NCKAP5: variants seen among roughly 807,000 people sequenced by gnomAD.
The protein encoded by NCKAP5 is NCK associated protein 5, also known as nck-associated protein 5.
A neutral mutation model predicts 167.0 loss-of-function variants in NCKAP5; 92 were observed. The ratio of observed to expected loss-of-function variants is 0.55; its 90% CI spans 0.47 to 0.66. The LOEUF (loss-of-function observed/expected upper bound fraction) is 0.66, where lower values mean the gene tolerates loss of function less well. Ranked by LOEUF, NCKAP5 falls within the 30% of genes least tolerant of loss-of-function variation. The pLI is 0.00. For missense variants in NCKAP5, 2,378 were observed against 2,315.0 expected (o/e 1.03, Z -0.56); for synonymous variants, 891 against 877.4 (o/e 1.02, Z -0.27).
intron 4 of NCKAP5, among the ~76,000 whole-genome samples, chr2:133,217,842 C>A (rs2086497765): frequency 6.6e-6 from 1 of 152,076 alleles, no homozygotes; most frequent in Admixed American, 6.5e-5. Flanking sequence ...CACACATATA[C>A]CCTGATTCCC....
rs535510918 is a variant in NCKAP5 at position 133,132,193 on chromosome 2, C to T, written c.208-2082G>A. ...ATGCCAGCTACTCGGGAGGCTGAGG[C>T]AGTGAATTGCTTGAACCCAGGAGGC... On this transcript the variant is annotated intron_variant, in intron 5 of 19. Coordinates refer to ENST00000409261, the MANE Select transcript of NCKAP5 (RefSeq NM_207363.3). Among the ~76,000 whole-genome samples the T allele has an allele frequency of 4.0e-5, 6 of 150,874 alleles. No homozygotes were observed. In the South Asian group the frequency reaches 1.3e-3, roughly 32 times the overall value.
rs1266351198 is a variant in NCKAP5, at chr2:132,784,514, T to G, written c.2297A>C (p.Gln766Pro). The G allele has an allele frequency of 1.3e-6, 2 of 1,568,948 alleles. No individual in the cohort carries two copies. The highest frequency in any genetic ancestry group is 4.5e-5 in the East Asian group (2 of 44,578). ...GACCAGCTTTTGCTGCTGAGGATTT[T>G]GTGTCACTGTCCTGGAGCTGAAAGA... ...TESFSSRTVT[Q>P]NPQQQKLVKP... Residue 766 changes from glutamine (Q) to proline (P), a missense_variant, in exon 14 of 20, where the codon CAA (glutamine) becomes CCA (proline). Transcript: ENST00000409261.
chr2:133,648,934 G>A, the NCKAP5 span, among the ~76,000 whole-genome samples: 1 of 149,824 alleles, frequency 6.7e-6, no homozygotes. Flanking sequence ...TAGAAAATCA[G>A]TAAAAAAATC....
At chr2:133,295,782 C>T (rs1311250135) in intron 4 of NCKAP5, among the ~76,000 whole-genome samples, 1 of 152,098 alleles carries the variant, frequency 6.6e-6, no homozygotes, top group Non-Finnish European at 1.5e-5. Context: ...GTTGAGAAAC[C>T]CTAGTGCAGA....
At chr2:133,285,227 C>T (rs965853171) in intron 4 of NCKAP5, among the ~76,000 whole-genome samples, 2 of 152,224 alleles carry the variant, frequency 1.3e-5, no homozygotes, top group East Asian at 1.9e-4. Flanking sequence ...AATTAATGTA[C>T]TCCAATGTCT....
intron 11 of NCKAP5, among the ~76,000 whole-genome samples, chr2:132,827,225 A>C (rs1023326888): frequency 2.6e-5 from 4 of 152,190 alleles, no homozygotes; most frequent in African/African-American, 9.7e-5. Context: ...TTTTAATTTA[A>C]AAAAGAGCAT....
At chr2:133,479,459 C>T (rs902412651) in intron 3 of NCKAP5, among the ~76,000 whole-genome samples, 1 of 152,108 alleles carries the variant, frequency 6.6e-6, no homozygotes, top group Non-Finnish European at 1.5e-5. Context: ...TGTTTCTCCA[C>T]CATGGAAGGG....
intron 3 of NCKAP5, among the ~76,000 whole-genome samples, chr2:133,383,772 T>A (rs1177757055): frequency 6.6e-6 from 1 of 152,200 alleles, no homozygotes; most frequent in Non-Finnish European, 1.5e-5. Flanking sequence ...TGGTGTGAGA[T>A]GGTATCTCAT....
intron 5 of NCKAP5, among the ~76,000 whole-genome samples, chr2:133,132,093 G>A (rs957453394): frequency 2.6e-5 from 4 of 152,014 alleles, no homozygotes; most frequent in African/African-American, 9.7e-5. Flanking sequence ...TTCAAGACCA[G>A]CCTGGCCAAG....
Position 133,345,892 on chromosome 2 carries a change from A to G in NCKAP5, c.70-42782T>C, listed in dbSNP as rs141277929. ...ATGAGGTATGATAGCAGGCACAGAG[A>G]TGGAAGATGACTGAGCCAAAGAACC... On this transcript the variant is annotated intron_variant, in intron 3 of 19. Transcript: ENST00000409261. Among the ~76,000 whole-genome samples, 9 of 152,264 alleles carry G rather than the reference A, an allele frequency of 5.9e-5. No homozygotes were observed. The East Asian group carries it at 1.7e-3, about 29-fold the overall frequency.
intron 8 of NCKAP5, among the ~76,000 whole-genome samples, chr2:132,956,263 T>G (rs2149171464): frequency 6.6e-6 from 1 of 152,302 alleles, no homozygotes; most frequent in South Asian, 2.1e-4. Context: ...GCTTGTTGGG[T>G]TTAGTACAGA....
chr2:133,100,492 C>T (rs769703346), intron 6 of NCKAP5, among the ~76,000 whole-genome samples: 1 of 152,112 alleles, frequency 6.6e-6, no homozygotes, highest in Non-Finnish European at 1.5e-5. Flanking sequence ...TGGGACTGAG[C>T]CCCGGACTCC....
At chr2:133,452,803 G>A (rs1338344452) in intron 3 of NCKAP5, among the ~76,000 whole-genome samples, 1 of 152,066 alleles carries the variant, frequency 6.6e-6, no homozygotes, top group Non-Finnish European at 1.5e-5. Context: ...CCAGACCCAA[G>A]CCTTGCCTTG....
intron 4 of NCKAP5, among the ~76,000 whole-genome samples, chr2:133,280,441 C>G (rs2089894298): frequency 6.6e-6 from 1 of 152,106 alleles, no homozygotes; most frequent in Non-Finnish European, 1.5e-5. Flanking sequence ...GGGTCTGACT[C>G]TCTTGCCCAG....
chr2:132,763,517 C>T (rs1391575229), intron 16 of NCKAP5, among the ~76,000 whole-genome samples: 1 of 152,208 alleles, frequency 6.6e-6, no homozygotes, highest in Non-Finnish European at 1.5e-5. Flanking sequence ...GCTGGGCTTC[C>T]ATCCCCAGAC....
chr2:133,308,155 C>G (rs926637179), intron 3 of NCKAP5, among the ~76,000 whole-genome samples: 2 of 128,540 alleles, frequency 1.6e-5, no homozygotes, highest in Non-Finnish European at 3.1e-5. Context: ...GTGGCGGGAT[C>G]TCGGCTCACT....
At chr2:133,181,246 A>C (rs2084718541) in intron 5 of NCKAP5, among the ~76,000 whole-genome samples, 2 of 152,082 alleles carry the variant, frequency 1.3e-5, no homozygotes, top group African/African-American at 4.8e-5. Flanking sequence ...TGAACTGGTA[A>C]AATGATGACA....
intron 3 of NCKAP5, among the ~76,000 whole-genome samples, chr2:133,437,250 G>A (rs1296960817): frequency 1.3e-5 from 2 of 152,060 alleles, no homozygotes; most frequent in South Asian, 2.1e-4. Flanking sequence ...CTACTCAGGA[G>A]GCTGAGGCAG....
intron 8 of NCKAP5, among the ~76,000 whole-genome samples, chr2:132,888,628 T>C (rs1692441353): frequency 6.6e-6 from 1 of 152,128 alleles, no homozygotes; most frequent in African/African-American, 2.4e-5. Flanking sequence ...TGACCTCAAG[T>C]GATCCACCCA....
Sources: allele counts gnomAD v4.1 joint callset (sites outside exome capture counted in the v4.1 genomes callset), GRCh38; gene constraint gnomAD v4.1.1; transcripts MANE v1.5; gene names NCBI Gene and HGNC (gene_info 2026-07-23, HGNC 2026-07-21).